MFAP3: variants seen among roughly 807,000 people sequenced by gnomAD.
The protein encoded by MFAP3 is microfibril-associated glycoprotein 3.
Under a neutral mutation model 20.5 loss-of-function variants are expected in MFAP3, and 8 were observed. The ratio of observed to expected loss-of-function variants is 0.39; its 90% CI spans 0.23 to 0.70. The LOEUF is 0.70. MFAP3 is among the 30% of genes least tolerant of loss of function. The pLI, the probability that MFAP3 is intolerant of heterozygous loss-of-function variation, is 0.44. For missense variants in MFAP3, 398 were observed against 444.6 expected (o/e 0.90, Z 0.94); for synonymous variants, 140 against 154.0 (o/e 0.91, Z 0.67).
At chr5:154,047,491 CTG>C (rs1187931988) in intron 1 of MFAP3, among the ~76,000 whole-genome samples, 3 of 152,112 alleles carry the variant, frequency 2.0e-5, no homozygotes, top group African/African-American at 4.8e-5. Context: ...TTAAAATAAA[CTG>C]GAGTTGTGGG....
intron 1 of MFAP3, among the ~76,000 whole-genome samples, chr5:154,046,770 C>T (rs576154852): frequency 1.3e-5 from 2 of 152,254 alleles, no homozygotes; most frequent in South Asian, 2.1e-4. Flanking sequence ...GCAGGAAGAC[C>T]GAATCCATTT....
intron 2 of MFAP3, chr5:154,051,984 AAAGCAC>A (rs1252086354): frequency 2.1e-5 from 3 of 141,544 alleles, no homozygotes; most frequent in African/African-American, 9.0e-5. Context: ...TTTCATAGTT[AAAGCAC>A]AGAGTGCTTT....
rs1303293546 is a variant in MFAP3, at chr5:154,053,699, A to C, written c.1075A>C (p.Asn359His). 1.2e-6 allele frequency: 2 copies of C among 1,610,638 alleles called. No individual in the cohort carries two copies. Among genetic ancestry groups the C allele is most frequent in the Non-Finnish European group, 1.7e-6 (2 of 1,177,744 alleles). Reference protein sequence around the residue: ...NCNYKDGAYENCQL With the variant: ...NCNYKDGAYEHCQL ...TAACTACAAAGATGGGGCATATGAA[A>C]ACTGTCAGCTGTAACCTACAATGCT... is the stretch of plus-strand genomic sequence containing the variant. Residue 359 changes from asparagine (N) to histidine (H), a missense_variant, in exon 3 of 3, where the codon AAC becomes CAC. By Grantham distance (68) the Asn-to-His change is moderately conservative. Coordinates refer to ENST00000522782, the MANE Select transcript of MFAP3 (RefSeq NM_005927.5).
chr5:154,043,069 T>G (rs934382310), intron 1 of MFAP3, among the ~76,000 whole-genome samples: 2 of 152,172 alleles, frequency 1.3e-5, no homozygotes, highest in Non-Finnish European at 2.9e-5. Flanking sequence ...AGCTATAGGC[T>G]CTTCTCTTTT....
At chr5:154,042,741 C>G (rs1013571949) in intron 1 of MFAP3, among the ~76,000 whole-genome samples, 2 of 151,946 alleles carry the variant, frequency 1.3e-5, no homozygotes, top group Admixed American at 6.5e-5. Context: ...TGTGACAGTG[C>G]AGGCAGAGAA....
chr5:154,052,835 A>C, intron 2 of MFAP3, 85 bp from the exon 3 acceptor site: 1 of 1,150,638 alleles, frequency 8.7e-7, no homozygotes, highest in Non-Finnish European at 1.2e-6. Context: ...GTACTTTGAT[A>C]AAGAGGTGGA....
At chr5:154,042,174 T>G (rs568758165) in intron 1 of MFAP3, among the ~76,000 whole-genome samples, 1 of 152,344 alleles carries the variant, frequency 6.6e-6, no homozygotes, top group East Asian at 1.9e-4. Context: ...TTAACTAGAC[T>G]GAGTTTCAAA....
rs548935811 is a variant in MFAP3 at position 154,056,057 on chromosome 5, A to G, written c.*2344A>G. ...AAATTAGAGAATGGTTTTACCCCAC[A>G]TGTTCTCATAGGAGACATTATTATT... On this transcript the variant is annotated 3_prime_UTR_variant, in exon 3 of 3. Coordinates refer to ENST00000522782, the MANE Select transcript of MFAP3 (RefSeq NM_005927.5). Among the ~76,000 whole-genome samples, 50 of 152,308 alleles carry G rather than the reference A, an allele frequency of 3.3e-4. No homozygotes were observed. The highest frequency in any genetic ancestry group is 1.1e-3 in the African/African-American group (45 of 41,566).
rs559998417 is a variant in MFAP3 at position 154,055,712 on chromosome 5, C to T, written c.*1999C>T. On this transcript the variant is annotated 3_prime_UTR_variant, in exon 3 of 3. Transcript: ENST00000522782. ...CCTCCAACTCCTGGGGTCAAGCGATCGTCCTGCTTCAGCCTCCCAAGCAGC... is the reference window on the plus strand; with the variant it reads ...CCTCCAACTCCTGGGGTCAAGCGATTGTCCTGCTTCAGCCTCCCAAGCAGC... Among the ~76,000 whole-genome samples the T allele has an allele frequency of 6.6e-6, 1 of 152,068 alleles. No homozygotes were observed. Among genetic ancestry groups the T allele is most frequent in the East Asian group, 1.9e-4 (1 of 5,170 alleles).
chr5:154,049,842 C>A lies in MFAP3; in HGVS notation c.120C>A (p.Tyr40Ter), dbSNP rs766100038. Reference sequence around the variant, plus strand: ...CACTGGAAGCAAATCGTAGTTCTTACAATGCATCCTTTCCCTCAAGCTTTG... The same window carrying A: ...CACTGGAAGCAAATCGTAGTTCTTAAAATGCATCCTTTCCCTCAAGCTTTG... ...MVSLEANRSS[Y>*]NASFPSSFEL... The change falls in exon 2 of 3, where the codon TAC becomes TAA. Residue 40 changes from tyrosine to a stop codon, truncating the protein, a stop_gained. Transcript: ENST00000522782. LOFTEE classifies it high-confidence loss of function. 3 of 1,613,694 alleles carry A rather than the reference C, an allele frequency of 1.9e-6. No individual in the cohort carries two copies. The highest frequency in any genetic ancestry group is 2.5e-6 in the Non-Finnish European group (3 of 1,179,728).
chr5:154,043,591 T>G (rs1773011507), intron 1 of MFAP3, among the ~76,000 whole-genome samples: 2 of 151,908 alleles, frequency 1.3e-5, no homozygotes, highest in African/African-American at 2.4e-5. Context: ...AATAAAAAAT[T>G]TTATCAAGTA....
At chr5:154,041,569 TCTG>T (rs202034317) in intron 1 of MFAP3, among the ~76,000 whole-genome samples, 1,798 of 152,362 alleles carry the variant, frequency 0.012, 43 homozygotes, top group African/African-American at 0.04. Flanking sequence ...GACTTTCTGT[TCTG>T]CTGCCTGAAT....
intron 1 of MFAP3, among the ~76,000 whole-genome samples, chr5:154,046,943 A>G (rs760467422): frequency 3.2e-4 from 48 of 152,058 alleles, no homozygotes; most frequent in Non-Finnish European, 4.7e-4. Context: ...TCCGGAGTCT[A>G]TCTCCAGTTT....
chr5:154,055,431 C>A lies in MFAP3; in HGVS notation c.*1718C>A, dbSNP rs140648270. ...AAGATGATAATGCTGCCTTTTCTGT[C>A]TCTCAGGCTGTTTCCATGGAAACCT... On this transcript the variant is annotated 3_prime_UTR_variant, in exon 3 of 3. Coordinates refer to ENST00000522782, the MANE Select transcript of MFAP3 (RefSeq NM_005927.5). Among the ~76,000 whole-genome samples the A allele has an allele frequency of 6.6e-6, 1 of 152,180 alleles. No homozygotes were observed. Among genetic ancestry groups the A allele is most frequent in the Non-Finnish European group, 1.5e-5 (1 of 68,038 alleles).
intron 2 of MFAP3, among the ~76,000 whole-genome samples, chr5:154,052,524 A>G (rs1003865285): frequency 6.6e-6 from 1 of 152,212 alleles, no homozygotes; most frequent in Non-Finnish European, 1.5e-5. Context: ...TCTGAGACAT[A>G]CCCTCATAGT....
rs959207645 is a variant in MFAP3 at position 154,054,795 on chromosome 5, G to A, written c.*1082G>A. The A allele has an allele frequency of 6.0e-6, 1 of 167,040 alleles. No individual in the cohort carries two copies. The highest frequency in any genetic ancestry group is 2.4e-5 in the African/African-American group (1 of 41,434). 10.3% of individuals were successfully genotyped at this position (167,040 alleles called of 1,614,324 possible). Reference sequence around the variant, plus strand: ...GGTTGCATGCGTCTTTATCTTGTTTGTTTGGTTAATATTTTGTTGTTGAGG... The same window carrying A: ...GGTTGCATGCGTCTTTATCTTGTTTATTTGGTTAATATTTTGTTGTTGAGG... On this transcript the variant is annotated 3_prime_UTR_variant, in exon 3 of 3. Transcript: ENST00000522782.
Position 154,049,886 on chromosome 5 carries a change from A to T in MFAP3, c.164A>T (p.His55Leu). Reference sequence around the variant, plus strand: ...AGCTTTGAACTCTCAGCAAGTTCCCACTCGGATGATGATGTCATCATAGCC... The same window carrying T: ...AGCTTTGAACTCTCAGCAAGTTCCCTCTCGGATGATGATGTCATCATAGCC... Reference protein sequence around the residue: ...PSSFELSASSHSDDDVIIAKE... With the variant: ...PSSFELSASSLSDDDVIIAKE... The change falls in exon 2 of 3, where the codon CAC becomes CTC. Residue 55 changes from histidine (H) to leucine (L), a missense_variant. By Grantham distance (99) the His-to-Leu change is moderately conservative (BLOSUM62 -3). Transcript: ENST00000522782. 6.2e-7 allele frequency: 1 copy of T among 1,613,662 alleles called. No homozygotes were observed. The highest frequency in any genetic ancestry group is 8.5e-7 in the Non-Finnish European group (1 of 1,179,718).
At position 154,053,182 on chromosome 5, in the gene MFAP3, G is replaced by A. The variant is rs1702877924; in HGVS notation, c.558G>A (p.Glu186=). ...HLRKTEKAIN[E]FFRTEGAEKL... Reference sequence around the variant, plus strand: ...GCAAGACTGAGAAGGCTATCAATGAGTTCTTTAGAACTGAAGGGGCTGAGA... The same window carrying A: ...GCAAGACTGAGAAGGCTATCAATGAATTCTTTAGAACTGAAGGGGCTGAGA... The change falls in exon 3 of 3, where the codon GAG becomes GAA. Residue 186 remains glutamate (E), a synonymous_variant. Coordinates refer to ENST00000522782, the MANE Select transcript of MFAP3 (RefSeq NM_005927.5). 1 of 1,613,784 alleles carries A rather than the reference G, an allele frequency of 6.2e-7. No homozygotes were observed. Among genetic ancestry groups the A allele is most frequent in the African/African-American group, 1.3e-5 (1 of 74,882 alleles).
chr5:154,053,585 C>A lies in MFAP3; in HGVS notation c.961C>A (p.Gln321Lys). 6.2e-7 allele frequency: 1 copy of A among 1,613,922 alleles called. No homozygotes were observed. The highest frequency in any genetic ancestry group is 8.5e-7 in the Non-Finnish European group (1 of 1,179,928). Residue 321 changes from glutamine (Q) to lysine (K), a missense_variant, in exon 3 of 3, where the codon CAG (glutamine) becomes AAG (lysine). Coordinates refer to ENST00000522782, the MANE Select transcript of MFAP3 (RefSeq NM_005927.5). ...AGCAGTTCAGGTTTCTGTCCACCTT[C>A]AGTCAGAAACCAAAAGTATTGATAC... ...EIAVQVSVHLQSETKSIDTES... is the reference protein window; with the variant it reads ...EIAVQVSVHLKSETKSIDTES...
Sources: gnomAD v4.1 joint callset for allele counts (sites outside exome capture counted in the v4.1 genomes callset) on GRCh38, gnomAD v4.1.1 for gene constraint, MANE v1.5 for transcripts, NCBI Gene and HGNC (gene_info 2026-07-23, HGNC 2026-07-21) for gene names.